Variants in FOXN3 observed in about 807,000 individuals in gnomAD.
The protein encoded by FOXN3 is forkhead box protein N3.
A neutral mutation model predicts 38.4 loss-of-function variants in FOXN3; 7 were observed. The ratio of observed to expected loss-of-function variants is 0.18; its 90% CI spans 0.10 to 0.34. FOXN3 has a LOEUF of 0.34. Ranked by LOEUF, FOXN3 falls within the 10% of genes least tolerant of loss-of-function variation. FOXN3 has a pLI of 1.00. For missense variants in FOXN3, 456 were observed against 613.4 expected, an observed-to-expected ratio of 0.74 and a Z score of 2.71; for synonymous variants, 230 against 242.2, an observed-to-expected ratio of 0.95 and a Z score of 0.47.
At chr14:89,195,001 C>G (rs1888061846) in intron 4 of FOXN3, among the ~76,000 whole-genome samples, 1 of 152,126 alleles carries the variant, frequency 6.6e-6, no homozygotes, top group Non-Finnish European at 1.5e-5. Context: ...TATATGCTAT[C>G]AAAAGTTTTT....
intron 1 of FOXN3, among the ~76,000 whole-genome samples, chr14:89,560,348 A>G (rs776234299): frequency 4.6e-5 from 7 of 152,230 alleles, no homozygotes; most frequent in Admixed American, 1.3e-4. Flanking sequence ...GGGACTGGCC[A>G]GGCTGCGGCC....
chr14:89,531,127 T>C (rs1238173341), intron 1 of FOXN3, among the ~76,000 whole-genome samples: 1 of 149,046 alleles, frequency 6.7e-6, no homozygotes, highest in East Asian at 1.9e-4. Context: ...ACATAATATA[T>C]ATACACATAT....
intron 3 of FOXN3, among the ~76,000 whole-genome samples, chr14:89,330,008 C>G (rs1888201338): frequency 6.6e-6 from 1 of 152,082 alleles, no homozygotes; most frequent in East Asian, 1.9e-4. Context: ...GCCATCCCTG[C>G]TCCCCCGCCA....
intron 1 of FOXN3, among the ~76,000 whole-genome samples, chr14:89,454,600 C>T (rs776246307): frequency 2.0e-5 from 3 of 152,100 alleles, no homozygotes; most frequent in Non-Finnish European, 2.9e-5. Context: ...AGAGAAAAAC[C>T]GGAATAAACT....
intron 1 of FOXN3, among the ~76,000 whole-genome samples, chr14:89,424,763 T>C (rs918273388): frequency 4.0e-5 from 6 of 151,258 alleles, no homozygotes; most frequent in Non-Finnish European, 8.8e-5. Flanking sequence ...CACGTGCCTA[T>C]AGTCCCAGCT....
chr14:89,379,523 G>A (rs564823468), intron 2 of FOXN3, among the ~76,000 whole-genome samples: 10 of 152,256 alleles, frequency 6.6e-5, no homozygotes, highest in East Asian at 1.9e-4. Context: ...GTGCCCTGGG[G>A]AGCAAAATCA....
intron 3 of FOXN3, among the ~76,000 whole-genome samples, chr14:89,303,496 T>A (rs199790711): frequency 7.8e-5 from 9 of 114,956 alleles, no homozygotes; most frequent in South Asian, 3.1e-4. Context: ...AAACATCTGC[T>A]AAAAAAAAAA....
At chr14:89,425,934 A>G (rs1212647127) in intron 1 of FOXN3, among the ~76,000 whole-genome samples, 1 of 152,184 alleles carries the variant, frequency 6.6e-6, no homozygotes, top group Non-Finnish European at 1.5e-5. Context: ...CTGTGCCAGA[A>G]TGACGCTTAT....
chr14:89,497,914 G>T (rs1271857232), intron 1 of FOXN3, among the ~76,000 whole-genome samples: 1 of 126,060 alleles, frequency 7.9e-6, no homozygotes, highest in African/African-American at 3.7e-5. Context: ...TTTCCTGTTT[G>T]TTTGTTTGGT....
intron 2 of FOXN3, among the ~76,000 whole-genome samples, chr14:89,365,170 C>G (rs1415206052): frequency 6.6e-6 from 1 of 152,208 alleles, no homozygotes; most frequent in African/African-American, 2.4e-5. Flanking sequence ...CTTCTTCCTC[C>G]TTCTCCCCAC....
rs1331756297 is a variant in FOXN3 at position 89,511,212 on chromosome 14, TTTCTTTC to T, written c.-14-98729_-14-98723del. ...TTCTTTTCTTTCTTTCTTTTCTTTC[TTTCTTTC>T]TTTCTTTCTTTTCTTTCCTTTTCTT... On this transcript the variant is annotated intron_variant, in intron 1 of 6. Coordinates refer to the FOXN3 transcript ENST00000345097. Among the ~76,000 whole-genome samples, 133 of 26,632 alleles carry T rather than the reference TTTCTTTC, an allele frequency of 5.0e-3. 54 individuals are homozygous for T. Among genetic ancestry groups the T allele is most frequent in the Middle Eastern group, 0.023 (1 of 44 alleles). The allele number at this position is 26,632 out of a possible 152,430, so 17.5% of individuals were successfully genotyped here.
intron 1 of FOXN3, among the ~76,000 whole-genome samples, chr14:89,523,129 C>T (rs1894356209): frequency 6.6e-6 from 1 of 152,066 alleles, no homozygotes; most frequent in African/African-American, 2.4e-5. Flanking sequence ...GGGATAATTC[C>T]ATAATGATAG....
At chr14:89,526,805 G>A (rs2139829455) in intron 1 of FOXN3, among the ~76,000 whole-genome samples, 1 of 151,690 alleles carries the variant, frequency 6.6e-6, no homozygotes, top group South Asian at 2.1e-4. Flanking sequence ...CTTTCAACAA[G>A]AAAAAAATTA....
intron 1 of FOXN3, among the ~76,000 whole-genome samples, chr14:89,527,163 A>G (rs1894450830): frequency 6.6e-6 from 1 of 152,162 alleles, no homozygotes; most frequent in South Asian, 2.1e-4. Context: ...AACGTTTCTA[A>G]AACAATTTGA....
chr14:89,593,112 G>C (rs1566711965), intron 1 of FOXN3, among the ~76,000 whole-genome samples: 1 of 135,942 alleles, frequency 7.4e-6, no homozygotes, highest in Non-Finnish European at 1.6e-5. Flanking sequence ...AGAAAGGAGA[G>C]AGAGAGAAAG....
intron 5 of FOXN3, among the ~76,000 whole-genome samples, chr14:89,166,319 A>G (rs903632641): frequency 1.3e-5 from 2 of 152,194 alleles, no homozygotes; most frequent in African/African-American, 4.8e-5. Flanking sequence ...AAGAGATCCC[A>G]TGGATTAAAG....
chr14:89,282,060 C>T (rs1188098883), intron 3 of FOXN3, among the ~76,000 whole-genome samples: 1 of 151,998 alleles, frequency 6.6e-6, no homozygotes, highest in African/African-American at 2.4e-5. Context: ...GACAGCAATA[C>T]TGTTAGCAAG....
rs71130072 is a variant in FOXN3, at chr14:89,392,637, C to CTT, written c.543+19295_543+19296dup. 5.2e-3 allele frequency among the ~76,000 whole-genome samples: 616 copies of CTT among 119,250 alleles called. 24 individuals are homozygous for CTT. The highest frequency in any genetic ancestry group is 0.018 in the African/African-American group (471 of 26,056). The allele number at this position is 119,250 out of a possible 152,430, so 78.2% of individuals were successfully genotyped here. The stretch of plus-strand genomic sequence containing the variant: ...CCCTGCACATGTGTCTGTGTCTCGT[C>CTT]TTTTTTTTTTTTTTTTTTTTTGAGA... On this transcript the variant is annotated intron_variant, in intron 2 of 5. Transcript: ENST00000557258.
chr14:89,519,202 C>G lies in FOXN3; in HGVS notation c.-15+99826G>C, dbSNP rs146911903. The stretch of plus-strand genomic sequence containing the variant: ...CTGCAGATGCCTGCGGTAGCACAGA[C>G]TACAAGCCGGGGAATCCCAGTGTAT... On this transcript the variant is annotated intron_variant, in intron 1 of 6. Coordinates refer to the FOXN3 transcript ENST00000345097. Among the ~76,000 whole-genome samples the G allele has an allele frequency of 3.2e-3, 492 of 152,266 alleles. 4 individuals are homozygous for G. The highest frequency in any genetic ancestry group is 0.027 in the Middle Eastern group (8 of 294).
Sources: allele counts gnomAD v4.1 joint callset (sites outside exome capture counted in the v4.1 genomes callset), GRCh38; gene constraint gnomAD v4.1.1; transcripts MANE v1.5; gene names NCBI Gene and HGNC (gene_info 2026-07-23, HGNC 2026-07-21).